MAST4: variants seen among roughly 807,000 people sequenced by gnomAD.
The protein encoded by MAST4 is microtubule-associated serine/threonine-protein kinase 4.
A neutral mutation model predicts 162.7 loss-of-function variants in MAST4; 89 were observed. That is an observed-to-expected ratio of 0.55 (90% CI 0.46 to 0.65). MAST4 has a LOEUF of 0.65. MAST4 is among the 30% of genes least tolerant of loss of function. The probability of loss-of-function intolerance (pLI) is 0.00; values close to 1 mark genes in which losing one functional copy is unlikely to be tolerated. For synonymous variants in MAST4, 1,479 were observed against 1,361.1 expected, an observed-to-expected ratio of 1.09 and a Z score of -1.91; for missense variants, 3,153 against 3,374.0, an observed-to-expected ratio of 0.93 and a Z score of 1.62.
At chr5:67,077,838 G>T (rs1018405428) in intron 5 of MAST4, among the ~76,000 whole-genome samples, 1 of 152,140 alleles carries the variant, frequency 6.6e-6, no homozygotes, top group Admixed American at 6.6e-5. Flanking sequence ...AGTGGCTCAT[G>T]CCTATAATCC....
intron 12 of MAST4, among the ~76,000 whole-genome samples, chr5:67,118,356 A>C (rs1581624312): frequency 6.6e-6 from 1 of 152,198 alleles, no homozygotes; most frequent in South Asian, 2.1e-4. Context: ...TCTCTCAGAT[A>C]CCTGATTCTA....
chr5:66,788,608 A>T, intron 2 of MAST4, 62 bp from the exon 3 acceptor site: 1 of 228,008 alleles, frequency 4.4e-6, no homozygotes, highest in Non-Finnish European at 7.3e-6. Flanking sequence ...CCCCACCCCC[A>T]TTGCAATAAG....
At chr5:66,868,215 C>T (rs975390421) in intron 3 of MAST4, among the ~76,000 whole-genome samples, 7 of 151,972 alleles carry the variant, frequency 4.6e-5, no homozygotes, top group African/African-American at 1.7e-4. Context: ...TTGGATGTGT[C>T]ATAGGATCTG....
At chr5:66,754,643 T>A (rs1753414988) in intron 1 of MAST4, among the ~76,000 whole-genome samples, 1 of 152,234 alleles carries the variant, frequency 6.6e-6, no homozygotes, top group African/African-American at 2.4e-5. Context: ...GTTTGCAGTG[T>A]TCTAGGGATA....
At chr5:67,097,163 CTTTA>C (rs2150831342) in intron 7 of MAST4, among the ~76,000 whole-genome samples, 1 of 152,182 alleles carries the variant, frequency 6.6e-6, no homozygotes, top group East Asian at 1.9e-4. Flanking sequence ...TTCTTTCCAT[CTTTA>C]GTAAGTCATT....
intron 5 of MAST4, among the ~76,000 whole-genome samples, chr5:67,087,792 A>G (rs138176310): frequency 7.2e-5 from 11 of 152,344 alleles, no homozygotes; most frequent in African/African-American, 2.6e-4. Flanking sequence ...TTGGTCTGAC[A>G]TGAAGCAGAA....
At chr5:66,749,734 A>C (rs913652637) in intron 1 of MAST4, among the ~76,000 whole-genome samples, 1 of 152,200 alleles carries the variant, frequency 6.6e-6, no homozygotes, top group African/African-American at 2.4e-5. Flanking sequence ...ATTTATTGTT[A>C]CTAACATCTC....
rs554310553 is a variant in MAST4, at chr5:67,127,192, G to A, written c.1746-3018G>A. ...TGTCATCTGCAAACAGAGGCAATTT[G>A]ACTTCCTCTTTTCCTAATTGAATAC... is the stretch of plus-strand genomic sequence containing the variant. On this transcript the variant is annotated intron_variant, in intron 14 of 28. Coordinates refer to ENST00000403625, the MANE Select transcript of MAST4 (RefSeq NM_001164664.2). 1.1e-3 allele frequency among the ~76,000 whole-genome samples: 160 copies of A among 152,252 alleles called. 1 individual carries two copies. The highest frequency in any genetic ancestry group is 3.8e-3 in the African/African-American group (157 of 41,550).
chr5:66,663,349 A>G (rs962422698), intron 1 of MAST4, among the ~76,000 whole-genome samples: 2 of 152,198 alleles, frequency 1.3e-5, no homozygotes, highest in African/African-American at 4.8e-5. Flanking sequence ...ACAGACAAAA[A>G]TCCTGCCTTC....
intron 18 of MAST4, among the ~76,000 whole-genome samples, chr5:67,136,307 A>G (rs977686949): frequency 6.6e-6 from 1 of 152,234 alleles, no homozygotes; most frequent in African/African-American, 2.4e-5. Flanking sequence ...CAAATTAAAG[A>G]TCTGCTTATT....
rs1381291298 is a variant in MAST4, at chr5:66,673,523, GTTTTTTGTTTT to G, written c.363+76512_363+76522del. On this transcript the variant is annotated intron_variant, in intron 1 of 28. Coordinates refer to ENST00000403625, the MANE Select transcript of MAST4 (RefSeq NM_001164664.2). ...AATACGCTAGTTTTTTTTGTTTTTT[GTTTTTTGTTTT>G]TTTTTTTTTTGAGACAGAGTCTTGC... Among the ~76,000 whole-genome samples the G allele has an allele frequency of 4.3e-4, 57 of 131,340 alleles. 1 individual carries two copies. Among genetic ancestry groups the G allele is most frequent in the Non-Finnish European group, 2.7e-4 (17 of 62,200 alleles). The allele number at this position is 131,340 out of a possible 152,430, so 86.2% of individuals were successfully genotyped here. A position where few individuals can be genotyped will look rare whatever the true frequency, so the allele number is the denominator to read the frequency against.
chr5:66,949,116 C>T (rs1001329255), intron 4 of MAST4, among the ~76,000 whole-genome samples: 1 of 152,128 alleles, frequency 6.6e-6, no homozygotes, highest in African/African-American at 2.4e-5. Flanking sequence ...AAAAATACTA[C>T]TGGAATTGTT....
chr5:66,746,957 ATT>A (rs374549454), intron 1 of MAST4, among the ~76,000 whole-genome samples: 10 of 148,516 alleles, frequency 6.7e-5, no homozygotes, highest in African/African-American at 2.5e-4. Context: ...TACTAGCTTT[ATT>A]TTTTTTTTTA....
At chr5:66,866,916 TTTTG>T (rs36034288) in intron 3 of MAST4, among the ~76,000 whole-genome samples, 78,941 of 150,600 alleles carry the variant, frequency 0.52, 22,395 homozygotes, top group Non-Finnish European at 0.64. Context: ...CGGCAGGCTT[TTTTG>T]TTTGTTTGTT....
intron 3 of MAST4, among the ~76,000 whole-genome samples, chr5:66,866,937 T>C (rs1212476573): frequency 1.3e-5 from 2 of 151,930 alleles, no homozygotes; most frequent in Non-Finnish European, 2.9e-5. Context: ...TGTTTGTTTG[T>C]TTGTTTTTTA....
chr5:67,026,559 C>G (rs1376794961), intron 4 of MAST4, among the ~76,000 whole-genome samples: 2 of 152,196 alleles, frequency 1.3e-5, no homozygotes, highest in Non-Finnish European at 2.9e-5. Flanking sequence ...ATAAGATCCT[C>G]TACTAAATTA....
intron 3 of MAST4, among the ~76,000 whole-genome samples, chr5:66,848,829 A>G (rs544603518): frequency 2.1e-4 from 32 of 152,244 alleles, no homozygotes; most frequent in African/African-American, 7.2e-4. Context: ...TTGCCAGACC[A>G]CATGTATGTC....
chr5:67,132,333 AC>A (rs1365876316), intron 16 of MAST4, among the ~76,000 whole-genome samples: 2 of 151,898 alleles, frequency 1.3e-5, no homozygotes, highest in African/African-American at 4.8e-5. Flanking sequence ...CTAGTTCCCC[AC>A]CCCCAATGAT....
intron 1 of MAST4, among the ~76,000 whole-genome samples, chr5:66,664,435 C>CAAAAAAAA (rs58704256): frequency 3.2e-5 from 3 of 93,922 alleles, no homozygotes; most frequent in Non-Finnish European, 4.2e-5. Context: ...AACTCCATTT[C>CAAAAAAAA]AAAAAAAAAA....
Sources: gnomAD v4.1 joint callset for allele counts (sites outside exome capture counted in the v4.1 genomes callset) on GRCh38, gnomAD v4.1.1 for gene constraint, MANE v1.5 for transcripts, NCBI Gene and HGNC (gene_info 2026-07-23, HGNC 2026-07-21) for gene names.